Variants in RITA1 observed in about 807,000 individuals in gnomAD.
RITA1 encodes RBPJ-interacting and tubulin-associated protein 1.
RITA1 carries 15 observed loss-of-function variants against 8.7 expected under a neutral mutation model. The ratio of observed to expected loss-of-function variants is 1.72; its 90% CI spans 1.15 to 2.65. RITA1 has a LOEUF of 2.65. RITA1 is among the 30% of genes most tolerant of loss of function. RITA1 has a pLI of 0.00. For synonymous variants in RITA1, 145 were observed against 156.2 expected, an observed-to-expected ratio of 0.93 and a Z score of 0.53; for missense variants, 330 against 363.8, an observed-to-expected ratio of 0.91 and a Z score of 0.76.
At position 113,191,203 on chromosome 12, in the gene RITA1, A is replaced by G; in HGVS notation, c.303-107A>G. 3 of 1,393,416 alleles carry G rather than the reference A, an allele frequency of 2.2e-6. No individual in the cohort carries two copies. The highest frequency in any genetic ancestry group is 3.1e-5 in the South Asian group (2 of 65,196). The allele number at this position is 1,393,416 out of a possible 1,614,324, so 86.3% of individuals were successfully genotyped here. On this transcript the variant is annotated intron_variant, in intron 3 of 3. Transcript: ENST00000548278. This position sits in a 1 kb window ranked among gnomAD's most constrained non-coding sequence, Gnocchi z 4.0. The stretch of plus-strand genomic sequence containing the variant: ...GGAGACAAGGACTCCTGGGATCTGC[A>G]GGCAACCCTCCTCTGCTGCTGCCAT...
In RITA1 at chr12:113,186,709, G is replaced by C; in HGVS notation, c.-38G>C. 6.2e-7 allele frequency: 1 copy of C among 1,602,782 alleles called. No individual in the cohort carries two copies. The highest frequency in any genetic ancestry group is 2.2e-5 in the East Asian group (1 of 44,522). ...GAGCCTCGGAAGCAGGGCCTGGCCG[G>C]CAGAGCACACCTGCTGTCACCAGGG... On this transcript the variant is annotated 5_prime_UTR_variant, in exon 3 of 4. Transcript: ENST00000548278.
rs976228229 is a variant in RITA1 at position 113,185,946 on chromosome 12, G to C, written c.-272G>C. On this transcript the variant is annotated 5_prime_UTR_variant, in exon 1 of 4. Coordinates refer to ENST00000548278, the MANE Select transcript of RITA1 (RefSeq NM_032848.3). ...CGCGCGCCCCCGCGCCCTCACCGAC[G>C]GGTCCAGACCTGGTGGGAAGAAGGT... 2.0e-6 allele frequency: 3 copies of C among 1,520,414 alleles called. No homozygotes were observed. Among genetic ancestry groups the C allele is most frequent in the Non-Finnish European group, 1.8e-6 (2 of 1,135,004 alleles). 94.2% of individuals were successfully genotyped at this position (1,520,414 alleles called of 1,614,324 possible).
chr12:113,187,353 G>A (rs1422099504), intron 3 of RITA1: 1 of 329,978 alleles, frequency 3.0e-6, no homozygotes, highest in Non-Finnish European at 5.5e-6. Flanking sequence ...GGCATCTGAG[G>A]CCCAGAGGAG....
chr12:113,189,636 C>G (rs1952577365), intron 3 of RITA1, among the ~76,000 whole-genome samples: 2 of 150,112 alleles, frequency 1.3e-5, no homozygotes, highest in African/African-American at 4.9e-5. Flanking sequence ...CTTGCCCTTT[C>G]AAAGACTTGC....
In RITA1 at chr12:113,191,383, GC is replaced by G; in HGVS notation, c.380del (p.Pro127ArgfsTer68). 1.2e-6 allele frequency: 2 copies of G among 1,600,814 alleles called. No individual in the cohort carries two copies. Among genetic ancestry groups the G allele is most frequent in the South Asian group, 2.2e-5 (2 of 89,812 alleles). ...GSRSEGASFGAPRMAKGDAAK... is the reference protein window; with the variant it reads ...GSRSEGASFGXPRMAKGDAAK... ...CCGATCTGAAGGCGCCAGCTTCGGG[GC>G]CCCGCGGATGGCGAAGGGGGATGCC... On this transcript the variant is annotated frameshift_variant, in exon 4 of 4. Coordinates refer to ENST00000548278, the MANE Select transcript of RITA1 (RefSeq NM_032848.3). LOFTEE classifies it low-confidence loss of function (END_TRUNC). This position sits in a 1 kb window ranked among gnomAD's most constrained non-coding sequence, Gnocchi z 4.0.
intron 3 of RITA1, among the ~76,000 whole-genome samples, chr12:113,188,499 G>A (rs1406718599): frequency 6.6e-6 from 1 of 152,000 alleles, no homozygotes; most frequent in Non-Finnish European, 1.5e-5. Flanking sequence ...GAGCCACCGC[G>A]CCTGGCCACA....
At position 113,187,030 on chromosome 12, in the gene RITA1, GGAA is replaced by G. The variant is rs769176263; in HGVS notation, c.291_293del (p.Lys97del). 17 of 1,598,102 alleles carry G rather than the reference GGAA, an allele frequency of 1.1e-5. No individual in the cohort carries two copies. The highest frequency in any genetic ancestry group is 2.7e-5 in the African/African-American group (2 of 74,726). On this transcript the variant is annotated inframe_deletion, in exon 3 of 4. Coordinates refer to ENST00000548278, the MANE Select transcript of RITA1 (RefSeq NM_032848.3). Reference sequence around the variant, plus strand: ...GGCAGCACCCCCACCCTCACACCAAGGAAGAAGAACAAATACAGGTAATGGGGT... The same window carrying G: ...GGCAGCACCCCCACCCTCACACCAAGGAAGAACAAATACAGGTAATGGGGT...
At chr12:113,188,879 C>T (rs776788019) in intron 3 of RITA1, among the ~76,000 whole-genome samples, 4 of 127,468 alleles carry the variant, frequency 3.1e-5, no homozygotes, top group Admixed American at 9.8e-5. Flanking sequence ...GGCACCATCT[C>T]GGATCACTGC....
intron 1 of RITA1, 46 bp from the exon 2 acceptor site, chr12:113,186,139 C>A (rs1481353811): frequency 2.1e-6 from 3 of 1,454,676 alleles, no homozygotes; most frequent in Non-Finnish European, 2.8e-6. Context: ...AGCAGTGTAG[C>A]CAAGTACACA....
chr12:113,187,080 TCAGTGCAGC>T (rs1212039999), intron 3 of RITA1, 32 bp downstream of exon 3: 1 of 1,504,676 alleles, frequency 6.6e-7, no homozygotes. Context: ...AATCCTGTAC[TCAGTGCAGC>T]CACCTGGATT....
intron 2 of RITA1, 42 bp downstream of exon 2, chr12:113,186,358 C>T (rs972443240): frequency 5.8e-6 from 8 of 1,377,466 alleles, no homozygotes; most frequent in Non-Finnish European, 7.5e-6. Flanking sequence ...CCCCCACCCC[C>T]ATCAGTACAC....
In RITA1 at chr12:113,185,945, C is replaced by T. The variant is rs1238897153; in HGVS notation, c.-273C>T. The T allele has an allele frequency of 1.1e-5, 16 of 1,520,636 alleles. No homozygotes were observed. The highest frequency in any genetic ancestry group is 1.3e-5 in the Non-Finnish European group (15 of 1,134,864). 94.2% of individuals were successfully genotyped at this position (1,520,636 alleles called of 1,614,324 possible). A position where few individuals can be genotyped will look rare whatever the true frequency, so the allele number is the denominator to read the frequency against. On this transcript the variant is annotated 5_prime_UTR_variant, in exon 1 of 4. It adds an upstream start codon to the 5' untranslated region. Transcript: ENST00000548278. ...CCGCGCGCCCCCGCGCCCTCACCGA[C>T]GGGTCCAGACCTGGTGGGAAGAAGG...
At position 113,191,936 on chromosome 12, in the gene RITA1, A is replaced by T. The variant is rs1159873716; in HGVS notation, c.*119A>T. On this transcript the variant is annotated 3_prime_UTR_variant, in exon 4 of 4. Transcript: ENST00000548278. This position sits in a 1 kb window ranked among gnomAD's most constrained non-coding sequence, Gnocchi z 4.0. ...ATTAAAGAAGCCCCTGTGGGGGCAG[A>T]CAGACATAGCAGGGGTGGGCAGTGC... is the stretch of plus-strand genomic sequence containing the variant. 2.3e-6 allele frequency: 3 copies of T among 1,309,736 alleles called. No homozygotes were observed. In the Admixed American group the frequency reaches 7.5e-5, roughly 33 times the overall value. The allele number at this position is 1,309,736 out of a possible 1,614,324, so 81.1% of individuals were successfully genotyped here.
Position 113,192,218 on chromosome 12 carries a change from A to G in RITA1, c.*401A>G, listed in dbSNP as rs1484274915. The G allele has an allele frequency of 5.7e-6, 1 of 175,896 alleles. No homozygotes were observed. The highest frequency in any genetic ancestry group is 1.2e-5 in the Non-Finnish European group (1 of 83,032). 10.9% of individuals were successfully genotyped at this position (175,896 alleles called of 1,614,324 possible). A position where few individuals can be genotyped will look rare whatever the true frequency, so the allele number is the denominator to read the frequency against. ...CCTGCTCAGGATTAGTTTCCAGCTA[A>G]GTCTGCAAGCCCTAGAGGAGTTTTT... On this transcript the variant is annotated 3_prime_UTR_variant, in exon 4 of 4. Coordinates refer to ENST00000548278, the MANE Select transcript of RITA1 (RefSeq NM_032848.3).
Position 113,186,671 on chromosome 12 carries a change from C to T in RITA1, c.-64-12C>T. ...TGTGGCTCAGGGGTGCTACTCTGAC[C>T]TCCTCTCACAGGGAGCCTCGGAAGC... On this transcript the variant is annotated splice_polypyrimidine_tract_variant and intron_variant, in intron 2 of 3. Transcript: ENST00000548278. 1 of 1,574,260 alleles carries T rather than the reference C, an allele frequency of 6.4e-7. No individual in the cohort carries two copies. Among genetic ancestry groups the T allele is most frequent in the Non-Finnish European group, 8.6e-7 (1 of 1,156,104 alleles).
Position 113,191,397 on chromosome 12 carries a change from G to A in RITA1, c.390G>A (p.Ala130=), listed in dbSNP as rs146766055. Residue 130 remains alanine (A), a synonymous_variant, in exon 4 of 4, where the codon GCG becomes GCA. Transcript: ENST00000548278. The surrounding 1 kb of genome is among the most constrained non-coding windows in gnomAD (Gnocchi z 4.0). ...CCAGCTTCGGGGCCCCGCGGATGGCGAAGGGGGATGCCGCAAAGCTCCGTG... is the reference window on the plus strand; with the variant it reads ...CCAGCTTCGGGGCCCCGCGGATGGCAAAGGGGGATGCCGCAAAGCTCCGTG... ...EGASFGAPRM[A]KGDAAKLRAL... 3.7e-5 allele frequency: 60 copies of A among 1,607,634 alleles called. No individual in the cohort carries two copies. The African/African-American group carries it at 5.1e-4, about 14-fold the overall frequency.
At position 113,186,036 on chromosome 12, in the gene RITA1, C is replaced by A. The variant is rs1459675155; in HGVS notation, c.-197+15C>A. On this transcript the variant is annotated intron_variant, in intron 1 of 3. Coordinates refer to ENST00000548278, the MANE Select transcript of RITA1 (RefSeq NM_032848.3). ...AAGATGCTCAGGTAGGAGAACAACC[C>A]AAAAATGCAGGGACCTCGGGCACTT... 1.3e-6 allele frequency: 2 copies of A among 1,536,036 alleles called. No individual in the cohort carries two copies. Among genetic ancestry groups the A allele is most frequent in the African/African-American group, 2.7e-5 (2 of 73,176 alleles).
rs200720243 is a variant in RITA1 at position 113,186,758 on chromosome 12, C to G, written c.12C>G (p.Pro4=). 3.7e-6 allele frequency: 6 copies of G among 1,613,096 alleles called. No homozygotes were observed. The highest frequency in any genetic ancestry group is 2.2e-5 in the East Asian group (1 of 44,878). MKT[P]VELAVSGMQT... is the part of the protein sequence containing the mutation. Reference sequence around the variant, plus strand: ...GGACCACAGGCAGCATGAAGACCCCCGTGGAGCTGGCCGTCAGTGGGATGC... The same window carrying G: ...GGACCACAGGCAGCATGAAGACCCCGGTGGAGCTGGCCGTCAGTGGGATGC... The change falls in exon 3 of 4, where the codon CCC becomes CCG. Residue 4 remains proline (P), a synonymous_variant. Transcript: ENST00000548278.
Position 113,191,814 on chromosome 12 carries a change from A to G in RITA1, c.807A>G (p.Lys269=), listed in dbSNP as rs749409309. 1 of 1,597,790 alleles carries G rather than the reference A, an allele frequency of 6.3e-7. No homozygotes were observed. Among genetic ancestry groups the G allele is most frequent in the South Asian group, 1.1e-5 (1 of 89,672 alleles). Residue 269 remains lysine, a synonymous_variant, in exon 4 of 4, where the codon AAA becomes AAG. Transcript: ENST00000548278. This position sits in a 1 kb window ranked among gnomAD's most constrained non-coding sequence, Gnocchi z 4.0. ...CCCAGAAACCAAAGCCCCCTTGGAA[A>G]TGATACTCTTTCATCAGGGTTGCCT... ...GATQKPKPPW[K]
Sources: allele counts gnomAD v4.1 joint callset (sites outside exome capture counted in the v4.1 genomes callset), GRCh38; gene constraint gnomAD v4.1.1; non-coding constraint Gnocchi (gnomAD v3.1); transcripts MANE v1.5; gene names NCBI Gene and HGNC (gene_info 2026-07-23, HGNC 2026-07-21).